The following TCF12 variants were observed in gnomAD, a reference collection of about 807,000 sequenced individuals.
The protein encoded by TCF12 is transcription factor 12, also known as DNA-binding protein HTF4.
TCF12 carries 45 observed loss-of-function variants against 86.0 expected under a neutral mutation model. The observed-to-expected ratio is 0.52, with a 90% CI of 0.41 to 0.67. TCF12 has a LOEUF of 0.67. TCF12 is among the 30% of genes least tolerant of loss of function. The pLI, the probability that TCF12 is intolerant of heterozygous loss-of-function variation, is 0.00. For missense variants in TCF12, 881 were observed against 859.9 expected, an observed-to-expected ratio of 1.02 and a Z score of -0.31; for synonymous variants, 330 against 299.6, an observed-to-expected ratio of 1.10 and a Z score of -1.05.
chr15:57,132,120 C>T (rs759825065), intron 5 of TCF12, among the ~76,000 whole-genome samples: 2 of 152,080 alleles, frequency 1.3e-5, no homozygotes. Context: ...CACTACACTC[C>T]GGTTTGGGTG....
intron 3 of TCF12, among the ~76,000 whole-genome samples, chr15:57,029,927 G>T (rs2066049104): frequency 6.6e-6 from 1 of 152,132 alleles, no homozygotes; most frequent in Non-Finnish European, 1.5e-5. Context: ...TTCTTTTATT[G>T]CTGAGTGGTG....
chr15:57,285,751 C>T (rs76587019), intron 20 of TCF12, among the ~76,000 whole-genome samples: 103 of 152,226 alleles, frequency 6.8e-4, no homozygotes, highest in Non-Finnish European at 1.3e-3. Context: ...ATTCTGTAAT[C>T]GCATGATCTC....
At chr15:57,021,744 ATT>A (rs35563193) in intron 3 of TCF12, among the ~76,000 whole-genome samples, 24 of 149,594 alleles carry the variant, frequency 1.6e-4, no homozygotes, top group East Asian at 5.9e-4. Flanking sequence ...TTATACTTAG[ATT>A]TTTTTTTTTT....
At chr15:57,206,531 A>AC (rs1566914710) in intron 8 of TCF12, among the ~76,000 whole-genome samples, 1 of 149,088 alleles carries the variant, frequency 6.7e-6, no homozygotes, top group Non-Finnish European at 1.5e-5. Flanking sequence ...AAAATTAAAT[A>AC]CTTCTTAGTC....
intron 3 of TCF12, among the ~76,000 whole-genome samples, chr15:56,995,735 A>C (rs1407499291): frequency 4.6e-5 from 7 of 152,116 alleles, no homozygotes; most frequent in Admixed American, 6.6e-5. Flanking sequence ...CATGTAGTCC[A>C]TGAAGAGAGA....
Position 57,138,791 on chromosome 15 carries a change from A to G in TCF12, c.326-27611A>G, listed in dbSNP as rs535305265. On this transcript the variant is annotated intron_variant, in intron 5 of 20. Transcript: ENST00000333725. ...TGACCAGGTATTTTCATTATAAGCC[A>G]TTATGTAGTCATTTCTTTTTTAAGC... 3.9e-5 allele frequency among the ~76,000 whole-genome samples: 6 copies of G among 152,338 alleles called. No homozygotes were observed. In the South Asian group the frequency reaches 1.2e-3, roughly 32 times the overall value.
At chr15:57,067,192 A>G (rs765191750) in intron 4 of TCF12, among the ~76,000 whole-genome samples, 10 of 152,188 alleles carry the variant, frequency 6.6e-5, no homozygotes, top group South Asian at 2.1e-4. Flanking sequence ...ACCTACAGCA[A>G]TCCATTCAGT....
At chr15:57,123,547 T>C (rs1410806585) in intron 5 of TCF12, among the ~76,000 whole-genome samples, 1 of 152,012 alleles carries the variant, frequency 6.6e-6, no homozygotes, top group Non-Finnish European at 1.5e-5. Flanking sequence ...AGGATCTTGC[T>C]TTGTTGTCCA....
At chr15:57,066,487 A>G (rs571832651) in intron 4 of TCF12, among the ~76,000 whole-genome samples, 135 of 152,290 alleles carry the variant, frequency 8.9e-4, no homozygotes, top group African/African-American at 3.1e-3. Flanking sequence ...AGACTTTATC[A>G]TATTATATAA....
At chr15:57,145,657 G>A (rs2053306981) in intron 5 of TCF12, among the ~76,000 whole-genome samples, 2 of 151,486 alleles carry the variant, frequency 1.3e-5, no homozygotes, top group East Asian at 1.9e-4. Context: ...AAAAGAGTTG[G>A]TGTAGGAGTC....
intron 14 of TCF12, 112 bp from the exon 15 acceptor site, chr15:57,252,309 G>A (rs2060154200): frequency 9.7e-6 from 7 of 721,752 alleles, no homozygotes; most frequent in Non-Finnish European, 1.7e-5. Context: ...GCAAGTCTTG[G>A]CGTTAACTTT....
chr15:57,004,295 A>G (rs868607886), intron 3 of TCF12, among the ~76,000 whole-genome samples: 1 of 150,340 alleles, frequency 6.7e-6, no homozygotes, highest in Non-Finnish European at 1.5e-5. Context: ...GTTCAATGGC[A>G]CCATCTTGGC....
At chr15:57,202,129 A>G (rs1211886797) in intron 8 of TCF12, among the ~76,000 whole-genome samples, 7 of 152,186 alleles carry the variant, frequency 4.6e-5, no homozygotes, top group Admixed American at 4.6e-4. Context: ...ACTTACAAAT[A>G]AGAAAATTAA....
intron 4 of TCF12, among the ~76,000 whole-genome samples, chr15:57,075,828 C>CTT (rs375885722): frequency 0.067 from 4,675 of 69,982 alleles, 191 homozygotes; most frequent in East Asian, 0.12. Flanking sequence ...CTCTCTCTCT[C>CTT]TCTCTCTTTT....
At chr15:57,118,853 T>C (rs2051021755) in intron 5 of TCF12, among the ~76,000 whole-genome samples, 1 of 152,224 alleles carries the variant, frequency 6.6e-6, no homozygotes, top group African/African-American at 2.4e-5. Context: ...TCCATATCTG[T>C]GTATGTACAC....
chr15:57,256,539 C>T (rs1400687530), intron 16 of TCF12, among the ~76,000 whole-genome samples: 1 of 145,488 alleles, frequency 6.9e-6, no homozygotes, highest in Admixed American at 7.0e-5. Flanking sequence ...ATTCTGGAAT[C>T]GATTCCCCAC....
chr15:57,209,094 G>T (rs185824636), intron 8 of TCF12, among the ~76,000 whole-genome samples: 2 of 152,256 alleles, frequency 1.3e-5, no homozygotes, highest in East Asian at 3.9e-4. Context: ...GAATTAAAGG[G>T]ATAAAAATAA....
intron 18 of TCF12, 146 bp downstream of exon 18, chr15:57,263,420 C>G: frequency 2.6e-6 from 2 of 775,698 alleles, no homozygotes; most frequent in Middle Eastern, 3.5e-4. Flanking sequence ...CATTTAATCA[C>G]CACATCATCT....
chr15:57,243,486 C>T lies in TCF12; in HGVS notation c.1050C>T (p.Asp350=), dbSNP rs193155665. ...TTTCTGGTTAGATTTATTCTCCTGA[C>T]CATACCAGCAGTAGTTTTCCGTCAA... ...GKALASIYSP[D]HTSSSFPSNP... Residue 350 remains aspartate (D), a synonymous_variant, in exon 13 of 21, where the codon GAC becomes GAT. Transcript: ENST00000333725. 1.2e-6 allele frequency: 2 copies of T among 1,613,736 alleles called. No homozygotes were observed. Among genetic ancestry groups the T allele is most frequent in the Admixed American group, 3.3e-5 (2 of 60,010 alleles).
Sources: allele counts gnomAD v4.1 joint callset (sites outside exome capture counted in the v4.1 genomes callset), GRCh38; gene constraint gnomAD v4.1.1; transcripts MANE v1.5; gene names NCBI Gene and HGNC (gene_info 2026-07-23, HGNC 2026-07-21).